The following RAD52 variants were observed in gnomAD, a reference collection of about 807,000 sequenced individuals.
RAD52 encodes the protein RAD52 DNA repair protein.
RAD52 carries 47 observed loss-of-function variants against 55.5 expected under a neutral mutation model. The observed-to-expected ratio is 0.85, with a 90% CI of 0.67 to 1.08. The LOEUF (loss-of-function observed/expected upper bound fraction) is 1.08. Among genes scored for constraint, RAD52 ranks in the 50% least tolerant of loss-of-function variants. RAD52 has a pLI of 0.00. For synonymous variants in RAD52, 184 were observed against 198.9 expected (o/e 0.92, Z 0.63); for missense variants, 468 against 522.8 (o/e 0.90, Z 1.02).
At chr12:940,154 G>A (rs982093324) in intron 1 of RAD52, among the ~76,000 whole-genome samples, 12 of 151,962 alleles carry the variant, frequency 7.9e-5, no homozygotes, top group African/African-American at 2.2e-4. Flanking sequence ...GAAAACTCAC[G>A]GTAAGTATGA....
chr12:962,257 A>G (rs910810477), intron 1 of RAD52, among the ~76,000 whole-genome samples: 4 of 152,182 alleles, frequency 2.6e-5, no homozygotes, highest in African/African-American at 9.6e-5. Context: ...CAATTCTAAT[A>G]AGAGCAGTTT....
intron 1 of RAD52, among the ~76,000 whole-genome samples, chr12:956,018 C>T (rs2154120370): frequency 6.6e-6 from 1 of 152,250 alleles, no homozygotes; most frequent in South Asian, 2.1e-4. Context: ...TTCTGTAGAG[C>T]TTAAATCTGG....
chr12:965,022 T>C (rs778745284), intron 1 of RAD52, among the ~76,000 whole-genome samples: 8 of 151,900 alleles, frequency 5.3e-5, no homozygotes, highest in Non-Finnish European at 8.8e-5. Context: ...CTCTCTTGCC[T>C]AGGCTGGAGT....
intron 1 of RAD52, among the ~76,000 whole-genome samples, chr12:971,128 T>C (rs1240000304): frequency 1.3e-5 from 2 of 152,218 alleles, no homozygotes; most frequent in African/African-American, 2.4e-5. Context: ...GCTCCTTTGG[T>C]TGGAGAAGAA....
chr12:953,332 C>T (rs1161040009), upstream of RAD52, among the ~76,000 whole-genome samples: 1 of 151,714 alleles, frequency 6.6e-6, no homozygotes, highest in Non-Finnish European at 1.5e-5. Flanking sequence ...AATAAGAAAA[C>T]AGAGACAAAG....
In RAD52 at chr12:980,201, G is replaced by T. The variant is rs1592497256; in HGVS notation, c.-19+9608C>A. On this transcript the variant is annotated intron_variant, in intron 1 of 11. Coordinates refer to the RAD52 transcript ENST00000430095. ...TGAGACTCCATCTTGGCCAGCGGGG[G>T]GTGGAAGGGGAGGGAAGAGAGTTAT... is the stretch of plus-strand genomic sequence containing the variant. Among the ~76,000 whole-genome samples, 2 of 151,942 alleles carry T rather than the reference G, an allele frequency of 1.3e-5. 1 individual carries two copies. Among genetic ancestry groups the T allele is most frequent in the South Asian group, 4.2e-4 (2 of 4,808 alleles).
intron 3 of RAD52, 109 bp downstream of exon 3, chr12:931,111 A>C: frequency 1.2e-6 from 1 of 823,440 alleles, no homozygotes; most frequent in Non-Finnish European, 1.9e-6. Context: ...ACCTCCAGGA[A>C]CAGTTAACAG....
At chr12:973,368 C>T (rs1487661874) in intron 1 of RAD52, among the ~76,000 whole-genome samples, 1 of 152,070 alleles carries the variant, frequency 6.6e-6, no homozygotes, top group African/African-American at 2.4e-5. Flanking sequence ...CACACCTGGC[C>T]AGAAATTTTA....
chr12:913,234 T>C lies in RAD52; in HGVS notation c.*157A>G. The C allele has an allele frequency of 1.5e-6, 1 of 678,808 alleles. No homozygotes were observed. The highest frequency in any genetic ancestry group is 2.6e-6 in the Non-Finnish European group (1 of 388,062). 42.0% of individuals were successfully genotyped at this position (678,808 alleles called of 1,614,324 possible). A position where few individuals can be genotyped will look rare whatever the true frequency, so the allele number is the denominator to read the frequency against. ...CAAAAGTGCTCAGCTCTAACTGCAG[T>C]GGGCTCTCAGTCAGATCCTCTTGAT... On this transcript the variant is annotated 3_prime_UTR_variant, in exon 12 of 12. Coordinates refer to ENST00000358495, the MANE Select transcript of RAD52 (RefSeq NM_134424.4).
At chr12:961,093 C>T (rs766070746) in intron 1 of RAD52, among the ~76,000 whole-genome samples, 4 of 150,810 alleles carry the variant, frequency 2.7e-5, no homozygotes, top group South Asian at 4.2e-4. Context: ...AGAGGCGGGC[C>T]GATCACCTGA....
At chr12:939,613 G>T (rs773226731) in intron 1 of RAD52, among the ~76,000 whole-genome samples, 1 of 152,120 alleles carries the variant, frequency 6.6e-6, no homozygotes, top group South Asian at 2.1e-4. Context: ...AATCACCAAC[G>T]TCTCATATCT....
chr12:946,029 A>G (rs981211551), intron 1 of RAD52, among the ~76,000 whole-genome samples: 1 of 151,998 alleles, frequency 6.6e-6, no homozygotes, highest in Non-Finnish European at 1.5e-5. Flanking sequence ...GTCTCAAAAA[A>G]AACAAAAAAA....
chr12:943,657 CTTTA>C (rs1415282686), intron 1 of RAD52, among the ~76,000 whole-genome samples: 7 of 151,986 alleles, frequency 4.6e-5, no homozygotes, highest in African/African-American at 1.7e-4. Context: ...CCTATTAGTT[CTTTA>C]TTTATCTTGA....
intron 1 of RAD52, among the ~76,000 whole-genome samples, chr12:947,843 G>A (rs1371633851): frequency 2.9e-5 from 4 of 139,080 alleles, no homozygotes; most frequent in Admixed American, 7.8e-5. Context: ...GCCCAGATAC[G>A]CCATTGCACT....
chr12:982,901 G>C (rs1388089382), intron 1 of RAD52, among the ~76,000 whole-genome samples: 1 of 151,860 alleles, frequency 6.6e-6, no homozygotes, highest in African/African-American at 2.4e-5. Flanking sequence ...GCAGGCTGGA[G>C]TGCAGTAGCA....
intron 1 of RAD52, among the ~76,000 whole-genome samples, chr12:965,154 A>C (rs146158338): frequency 2.0e-4 from 30 of 151,686 alleles, no homozygotes; most frequent in African/African-American, 5.1e-4. Flanking sequence ...TAATTTTTGT[A>C]TTTTTAGTAG....
intron 1 of RAD52, among the ~76,000 whole-genome samples, chr12:958,405 G>A (rs142322344): frequency 0.03 from 4,540 of 152,066 alleles, 196 homozygotes; most frequent in African/African-American, 0.097. Context: ...TAGTAGAGAC[G>A]GGGTTTCACC....
intron 1 of RAD52, among the ~76,000 whole-genome samples, chr12:960,355 G>A (rs1460062177): frequency 6.6e-6 from 1 of 152,210 alleles, no homozygotes. Flanking sequence ...TGGTGGTAAA[G>A]AAAGGAATCA....
intron 1 of RAD52, among the ~76,000 whole-genome samples, chr12:965,948 T>A (rs1958759607): frequency 6.6e-6 from 1 of 152,020 alleles, no homozygotes; most frequent in African/African-American, 2.4e-5. Flanking sequence ...CCTCCCAAAG[T>A]GCTGGGATTA....
Sources: gnomAD v4.1 joint callset for allele counts (sites outside exome capture counted in the v4.1 genomes callset) on GRCh38, gnomAD v4.1.1 for gene constraint, MANE v1.5 for transcripts, NCBI Gene and HGNC (gene_info 2026-07-23, HGNC 2026-07-21) for gene names.